The following STXBP4 variants were observed in gnomAD, a reference collection of about 807,000 sequenced individuals.
STXBP4 encodes the protein syntaxin-binding protein 4.
In STXBP4, 55 loss-of-function variants were observed where a neutral mutation model predicts 76.1. The ratio of observed to expected loss-of-function variants is 0.72; its 90% CI spans 0.58 to 0.91. The LOEUF is 0.91. Ranked by LOEUF, STXBP4 falls within the 40% of genes least tolerant of loss-of-function variation. The pLI is 0.00. For synonymous variants in STXBP4, 201 were observed against 220.2 expected, an observed-to-expected ratio of 0.91 and a Z score of 0.77; for missense variants, 618 against 636.9, an observed-to-expected ratio of 0.97 and a Z score of 0.32.
intron 7 of STXBP4, 96 bp from the exon 8 acceptor site, chr17:55,007,410 T>G: frequency 2.3e-6 from 2 of 859,314 alleles, no homozygotes; most frequent in Non-Finnish European, 3.8e-6. Flanking sequence ...TAGCTAGAAT[T>G]ATTTTTGAAC....
intron 7 of STXBP4, among the ~76,000 whole-genome samples, chr17:55,006,194 CA>C (rs1429856173): frequency 6.6e-6 from 1 of 151,980 alleles, no homozygotes; most frequent in Non-Finnish European, 1.5e-5. Context: ...AGTCAGCATC[CA>C]TTTTTTTATG....
chr17:55,114,295 T>A (rs987653150), intron 16 of STXBP4, among the ~76,000 whole-genome samples: 3 of 152,076 alleles, frequency 2.0e-5, no homozygotes, highest in Non-Finnish European at 4.4e-5. Flanking sequence ...AATTGAGAAT[T>A]ATACTTGTCT....
the STXBP4 span, among the ~76,000 whole-genome samples, chr17:55,183,428 A>G: frequency 6.6e-6 from 1 of 152,224 alleles, no homozygotes; most frequent in African/African-American, 2.4e-5. Context: ...TCTATAAAAA[A>G]TAAATAATAA....
intron 8 of STXBP4, among the ~76,000 whole-genome samples, chr17:55,024,407 T>C (rs2078376314): frequency 6.6e-6 from 1 of 152,182 alleles, no homozygotes; most frequent in African/African-American, 2.4e-5. Flanking sequence ...TGTTCTTTAA[T>C]AAAGAGCCAG....
At chr17:55,151,182 A>G (rs244294) in intron 17 of STXBP4, among the ~76,000 whole-genome samples, 51,702 of 152,036 alleles carry the variant, frequency 0.34, 9,230 homozygotes, top group African/African-American at 0.46. Context: ...GTTTTAGGCC[A>G]TTAAATTTGT....
Position 55,081,195 on chromosome 17 carries a change from G to T in STXBP4, c.1489+12G>T. ...ACTTGATATGGATTGTAAGTTTTCT[G>T]CATTTTTTCACTTTTTAAAAGTAAT... On this transcript the variant is annotated intron_variant, in intron 16 of 17. Transcript: ENST00000376352. The T allele has an allele frequency of 7.0e-7, 1 of 1,432,458 alleles. No individual in the cohort carries two copies. The highest frequency in any genetic ancestry group is 1.5e-5 in the South Asian group (1 of 64,872). The allele number at this position is 1,432,458 out of a possible 1,614,324, so 88.7% of individuals were successfully genotyped here. A position where few individuals can be genotyped will look rare whatever the true frequency, so the allele number is the denominator to read the frequency against.
chr17:55,082,783 G>A (rs972565593), intron 16 of STXBP4, among the ~76,000 whole-genome samples: 2 of 151,960 alleles, frequency 1.3e-5, no homozygotes, highest in Non-Finnish European at 1.5e-5. Context: ...GGTCCAGGGG[G>A]AGAAGAACTG....
chr17:55,089,484 T>C (rs2079382245), intron 16 of STXBP4, among the ~76,000 whole-genome samples: 1 of 152,314 alleles, frequency 6.6e-6, no homozygotes, highest in East Asian at 1.9e-4. Flanking sequence ...TATTGCTAAC[T>C]GTGAGGAAAC....
intron 4 of STXBP4, chr17:54,991,784 T>C (rs2077721176): frequency 6.6e-6 from 1 of 150,516 alleles, no homozygotes. Flanking sequence ...TGGAGAGATA[T>C]CAAATGTAAA....
chr17:55,188,889 G>C, the STXBP4 span, among the ~76,000 whole-genome samples: 2 of 152,098 alleles, frequency 1.3e-5, no homozygotes, highest in Non-Finnish European at 2.9e-5. Flanking sequence ...CTGCAGAATT[G>C]GTTGCTTTTG....
chr17:55,056,549 A>G (rs953160344), intron 12 of STXBP4, among the ~76,000 whole-genome samples: 1 of 152,194 alleles, frequency 6.6e-6, no homozygotes, highest in Non-Finnish European at 1.5e-5. Flanking sequence ...TTTAAGCAAG[A>G]TCTTTTCAAA....
Position 55,132,092 on chromosome 17 carries a change from A to G in STXBP4, c.1490-9218A>G, listed in dbSNP as rs146342948. Among the ~76,000 whole-genome samples the G allele has an allele frequency of 5.3e-5, 8 of 152,342 alleles. No homozygotes were observed. The East Asian group carries it at 1.3e-3, about 26-fold the overall frequency. On this transcript the variant is annotated intron_variant, in intron 16 of 17. Transcript: ENST00000376352. ...ATAAATTAGAGCTCCTCCCCTCTTC[A>G]TCTCTGTAACCCATAAGGAAAAGAA...
intron 1 of STXBP4, among the ~76,000 whole-genome samples, chr17:54,969,945 A>G (rs1200383895): frequency 6.6e-6 from 1 of 152,240 alleles, no homozygotes; most frequent in African/African-American, 2.4e-5. Context: ...ATGTAATAAC[A>G]TAGTATGATT....
downstream of STXBP4, among the ~76,000 whole-genome samples, chr17:55,174,352 G>A (rs2080421207): frequency 6.6e-6 from 1 of 152,132 alleles, no homozygotes; most frequent in South Asian, 2.1e-4. Flanking sequence ...GTCAACACTT[G>A]GTACTGTCAG....
chr17:55,043,077 T>G (rs908062064), intron 10 of STXBP4, among the ~76,000 whole-genome samples, 159 bp from the exon 11 acceptor site: 2 of 152,172 alleles, frequency 1.3e-5, no homozygotes, highest in Non-Finnish European at 2.9e-5. Context: ...GCTTTAATAC[T>G]TTAATATCCC....
At chr17:55,058,468 T>C (rs1344913000) in intron 12 of STXBP4, among the ~76,000 whole-genome samples, 1 of 152,234 alleles carries the variant, frequency 6.6e-6, no homozygotes. Context: ...TGTTTTTTAT[T>C]ATCTACCTGA....
chr17:55,031,209 C>A lies in STXBP4; in HGVS notation c.708C>A (p.His236Gln), dbSNP rs531500056. 4 of 1,613,364 alleles carry A rather than the reference C, an allele frequency of 2.5e-6. No individual in the cohort carries two copies. The South Asian group carries it at 4.4e-5, about 18-fold the overall frequency. Residue 236 changes from histidine (H) to glutamine (Q), a missense_variant, in exon 9 of 18, where the codon CAC becomes CAA. Transcript: ENST00000376352. ...YLGIQPTKEQ[H>Q]QALRQQVQAD... ...GTATTCAGCCCACAAAGGAACAACA[C>A]CAAGCCCTGAGACAGCAAGTACAAG...
chr17:55,194,296 G>T, the STXBP4 span, among the ~76,000 whole-genome samples: 4 of 152,104 alleles, frequency 2.6e-5, no homozygotes, highest in African/African-American at 9.7e-5. Context: ...TATTGCATCA[G>T]CACTTTAAAA....
intron 17 of STXBP4, among the ~76,000 whole-genome samples, chr17:55,141,896 C>T (rs1164602458): frequency 1.3e-5 from 2 of 152,130 alleles, no homozygotes; most frequent in Non-Finnish European, 1.5e-5. Context: ...AGAGGAAAAA[C>T]AGACAGTAGA....
Sources: gnomAD v4.1 joint callset for allele counts (sites outside exome capture counted in the v4.1 genomes callset) on GRCh38, gnomAD v4.1.1 for gene constraint, MANE v1.5 for transcripts, NCBI Gene and HGNC (gene_info 2026-07-23, HGNC 2026-07-21) for gene names.